The following KCTD13 variants were observed in gnomAD, a reference collection of about 807,000 sequenced individuals.
The protein encoded by KCTD13 is potassium channel tetramerization domain containing 13, also known as BTB/POZ domain-containing adapter for CUL3-mediated RhoA degradation protein 1.
KCTD13 carries 15 observed loss-of-function variants against 32.3 expected under a neutral mutation model. The observed-to-expected ratio is 0.46, with a 90% confidence interval of 0.31 to 0.71. The LOEUF is 0.71. Among genes scored for constraint, KCTD13 ranks in the 30% least tolerant of loss-of-function variants. The probability of loss-of-function intolerance (pLI) is 0.05; values close to 1 mark genes in which losing one functional copy is unlikely to be tolerated. For synonymous variants in KCTD13, 189 were observed against 200.1 expected (o/e 0.94, Z 0.47); for missense variants, 337 against 452.6 (o/e 0.74, Z 2.32).
intron 5 of KCTD13, among the ~76,000 whole-genome samples, chr16:29,908,146 C>A (rs1169677205): frequency 1.3e-5 from 2 of 151,942 alleles, no homozygotes; most frequent in African/African-American, 4.8e-5. Context: ...GGGGAGGGGA[C>A]AAGGCACACA....
At chr16:29,922,973 G>A (rs1048003166) in intron 2 of KCTD13, 2 of 544,348 alleles carry the variant, frequency 3.7e-6, no homozygotes, top group Middle Eastern at 4.8e-4. Flanking sequence ...GTAGAGAGCA[G>A]CTATTTAACC....
At chr16:29,920,439 GTTATGTATATAATCCATGCC>G (rs546728446) in intron 2 of KCTD13, 10 of 152,282 alleles carry the variant, frequency 6.6e-5, no homozygotes, top group African/African-American at 2.4e-4. Flanking sequence ...AGGTTAATTT[GTTATGTATATAATCCATGCC>G]CTAGGGAATG....
intron 2 of KCTD13, chr16:29,922,648 C>T (rs2068933214): frequency 5.6e-6 from 1 of 178,566 alleles, no homozygotes; most frequent in South Asian, 2.0e-4. Context: ...CTCTAGAATC[C>T]CCAACCCTGT....
intron 4 of KCTD13, 37 bp from the exon 5 acceptor site, chr16:29,911,210 G>C (rs1380528717): frequency 1.3e-6 from 2 of 1,537,938 alleles, no homozygotes; most frequent in Non-Finnish European, 1.8e-6. Flanking sequence ...CAGCGCAGTT[G>C]GCACCCCTCC....
rs1178872816 is a variant in KCTD13, at chr16:29,906,833, G to C, written c.*39C>G. 1 of 1,559,926 alleles carries C rather than the reference G, an allele frequency of 6.4e-7. No homozygotes were observed. Among genetic ancestry groups the C allele is most frequent in the South Asian group, 1.1e-5 (1 of 89,742 alleles). On this transcript the variant is annotated 3_prime_UTR_variant, in exon 6 of 6. Transcript: ENST00000568000. ...AGGGGAGGGAAAGAGAGAGGGACTGGGTCCCAAGGCAAGAGGAAGGCAGGG... is the reference window on the plus strand; with the variant it reads ...AGGGGAGGGAAAGAGAGAGGGACTGCGTCCCAAGGCAAGAGGAAGGCAGGG...
chr16:29,922,890 C>T (rs1177795796), intron 2 of KCTD13: 2 of 443,354 alleles, frequency 4.5e-6, no homozygotes, highest in Non-Finnish European at 4.0e-6. Flanking sequence ...GAGAATAGAT[C>T]GGGGTTGTGC....
Position 29,926,046 on chromosome 16 carries a change from C to G in KCTD13, c.-13G>C, listed in dbSNP as rs779093507. The stretch of plus-strand genomic sequence containing the variant: ...CCTCCGCCGACATGCCGGGTAGCAG[C>G]GGCGGACGGCGATCCCAGGATCTCT... On this transcript the variant is annotated 5_prime_UTR_variant, in exon 1 of 6. Coordinates refer to ENST00000568000, the MANE Select transcript of KCTD13 (RefSeq NM_178863.5). The G allele has an allele frequency of 6.7e-7, 1 of 1,486,268 alleles. No homozygotes were observed. The highest frequency in any genetic ancestry group is 1.4e-5 in the South Asian group (1 of 73,142). 92.1% of individuals were successfully genotyped at this position (1,486,268 alleles called of 1,614,324 possible). A position where few individuals can be genotyped will look rare whatever the true frequency, so the allele number is the denominator to read the frequency against.
rs1476918507 is a variant in KCTD13, at chr16:29,907,024, G to C, written c.838C>G (p.Leu280Val). The C allele has an allele frequency of 6.2e-7, 1 of 1,614,200 alleles. No individual in the cohort carries two copies. The highest frequency in any genetic ancestry group is 1.7e-5 in the Admixed American group (1 of 60,028). The change falls in exon 6 of 6, where the codon CTG becomes GTG. Residue 280 changes from leucine to valine, a missense_variant. Physicochemically the swap from Leu to Val is conservative, Grantham distance 32. Around this residue, in one of 3 missense-constraint regions of KCTD13, gnomAD observed 252 missense variants for 340.2 expected, o/e 0.74. Transcript: ENST00000568000. ...CCAGCTGCTCCCCCTGTGGCCTCCA[G>C]GAGGGCTGGGTCTGGGCCCCGGGGA... ...ETPRGPDPAL[L>V]EATGGAAGAG...
intron 4 of KCTD13, 77 bp from the exon 5 acceptor site, chr16:29,911,250 G>A (rs2068703300): frequency 7.1e-6 from 8 of 1,122,388 alleles, no homozygotes; most frequent in African/African-American, 1.5e-5. Context: ...GGGCCTGGAT[G>A]CATTCCCAGT....
At chr16:29,916,432 A>G (rs1415511891) in intron 2 of KCTD13, among the ~76,000 whole-genome samples, 1 of 152,164 alleles carries the variant, frequency 6.6e-6, no homozygotes, top group African/African-American at 2.4e-5. Context: ...CAATCTCCTC[A>G]AAGTCCTTCC....
At position 29,917,222 on chromosome 16, in the gene KCTD13, G is replaced by A. The variant is rs367568759; in HGVS notation, c.415-5173C>T. On this transcript the variant is annotated intron_variant, in intron 2 of 5. Transcript: ENST00000568000. ...CTTGGGTGCTGGCTACCTCTGGACT[G>A]TTTAATACCTGGCACTGGGAAAACT... 5.9e-5 allele frequency among the ~76,000 whole-genome samples: 9 copies of A among 152,232 alleles called. No homozygotes were observed. In the South Asian group the frequency reaches 1.0e-3, roughly 18 times the overall value.
chr16:29,912,719 C>T lies in KCTD13; in HGVS notation c.415-670G>A, dbSNP rs540022116. Among the ~76,000 whole-genome samples the T allele has an allele frequency of 2.0e-5, 3 of 152,360 alleles. No homozygotes were observed. In the East Asian group the frequency reaches 5.8e-4, roughly 29 times the overall value. On this transcript the variant is annotated intron_variant, in intron 2 of 5. Transcript: ENST00000568000. ...CCTCCCAAAGTGCTGGGATTACAGG[C>T]GTGAGCCACTGCACCAGGCCTATCA... is the stretch of plus-strand genomic sequence containing the variant.
chr16:29,917,551 G>T (rs1319211170), intron 2 of KCTD13, among the ~76,000 whole-genome samples: 1 of 152,110 alleles, frequency 6.6e-6, no homozygotes, highest in African/African-American at 2.4e-5. Context: ...GGAGACCAAG[G>T]CGGGCGGATC....
At chr16:29,910,313 G>A (rs150830521) in intron 5 of KCTD13, among the ~76,000 whole-genome samples, 1 of 151,950 alleles carries the variant, frequency 6.6e-6, no homozygotes, top group Non-Finnish European at 1.5e-5. Context: ...CAGAAGAATC[G>A]CTTGAACCTG....
At chr16:29,913,831 T>C (rs1023365012) in intron 2 of KCTD13, 1 of 152,222 alleles carries the variant, frequency 6.6e-6, no homozygotes, top group Non-Finnish European at 1.5e-5. Flanking sequence ...GGAAGCCTCA[T>C]TGTCTTTTTT....
At position 29,911,037 on chromosome 16, in the gene KCTD13, T is replaced by G. The variant is rs766538821; in HGVS notation, c.694A>C (p.Lys232Gln). 2.5e-6 allele frequency: 4 copies of G among 1,614,198 alleles called. No individual in the cohort carries two copies. The highest frequency in any genetic ancestry group is 8.5e-7 in the Non-Finnish European group (1 of 1,180,030). Residue 232 changes from lysine to glutamine, a missense_variant, in exon 5 of 6, where the codon AAA (lysine) becomes CAA (glutamine). By Grantham distance (53) the Lys-to-Gln change is moderately conservative. Coordinates refer to ENST00000568000, the MANE Select transcript of KCTD13 (RefSeq NM_178863.5). ...CCWSFYGQGR[K>Q]IAEVCCTSIV... ...GAGGTGCAGCACACCTCGGCGATTT[T>G]GCGGCCCTGCCCGTAGAAAGACCAG...
chr16:29,906,828 G>T lies in KCTD13; in HGVS notation c.*44C>A. The T allele has an allele frequency of 1.3e-6, 2 of 1,548,606 alleles. No individual in the cohort carries two copies. The highest frequency in any genetic ancestry group is 2.3e-5 in the East Asian group (1 of 44,258). Reference sequence around the variant, plus strand: ...TGGGAAGGGGAGGGAAAGAGAGAGGGACTGGGTCCCAAGGCAAGAGGAAGG... The same window carrying T: ...TGGGAAGGGGAGGGAAAGAGAGAGGTACTGGGTCCCAAGGCAAGAGGAAGG... On this transcript the variant is annotated 3_prime_UTR_variant, in exon 6 of 6. Transcript: ENST00000568000.
intron 2 of KCTD13, chr16:29,920,766 T>C (rs1451928966): frequency 1.3e-5 from 2 of 152,236 alleles, no homozygotes; most frequent in Non-Finnish European, 2.9e-5. Flanking sequence ...TGCAGAAATG[T>C]AATCTCTTAT....
At position 29,906,783 on chromosome 16, in the gene KCTD13, G is replaced by A. The variant is rs561754578; in HGVS notation, c.*89C>T. 1.7e-6 allele frequency: 2 copies of A among 1,186,364 alleles called. No individual in the cohort carries two copies. The highest frequency in any genetic ancestry group is 2.5e-5 in the East Asian group (1 of 39,890). 73.5% of individuals were successfully genotyped at this position (1,186,364 alleles called of 1,614,324 possible). ...CAGAGGAGGACCCACGACTTGGCCA[G>A]CAGAGCCGGGGCAAAAGTCTGGGAA... On this transcript the variant is annotated 3_prime_UTR_variant, in exon 6 of 6. Transcript: ENST00000568000.
Sources: gnomAD v4.1 joint callset for allele counts (sites outside exome capture counted in the v4.1 genomes callset) on GRCh38, gnomAD v4.1.1 for gene constraint, gnomAD v4.1.1 regional missense constraint, MANE v1.5 for transcripts, NCBI Gene and HGNC (gene_info 2026-07-23, HGNC 2026-07-21) for gene names.